NRDE2: variants seen among roughly 807,000 people sequenced by gnomAD.
The protein encoded by NRDE2 is nuclear exosome regulator NRDE2.
In NRDE2, 76 loss-of-function variants were observed where a neutral mutation model predicts 124.2. The ratio of observed to expected loss-of-function variants is 0.61; its 90% CI spans 0.51 to 0.74. The LOEUF is 0.74. Ranked by LOEUF, NRDE2 falls within the 30% of genes least tolerant of loss-of-function variation. The pLI, the probability that NRDE2 is intolerant of heterozygous loss-of-function variation, is 0.00. For synonymous variants in NRDE2, 489 were observed against 528.1 expected (o/e 0.93, Z 1.01); for missense variants, 1,314 against 1,417.3 (o/e 0.93, Z 1.17).
intron 3 of NRDE2, among the ~76,000 whole-genome samples, chr14:90,313,372 C>T (rs1334712007): frequency 3.9e-5 from 6 of 152,000 alleles, no homozygotes; most frequent in Admixed American, 1.3e-4. Flanking sequence ...ATGATCCACC[C>T]GCCTCGGCCT....
chr14:90,329,008 A>G (rs191084783), intron 1 of NRDE2, among the ~76,000 whole-genome samples: 38 of 152,372 alleles, frequency 2.5e-4, no homozygotes, highest in African/African-American at 8.4e-4. Context: ...TGACCAGAAA[A>G]GAATTAAGGC....
At position 90,274,838 on chromosome 14, in the gene NRDE2, A is replaced by ACCCCCCCC. The variant is rs1206866308; in HGVS notation, c.*3497_*3498insGGGGGGGG. On this transcript the variant is annotated 3_prime_UTR_variant, in exon 14 of 14. Transcript: ENST00000354366. ...CACACACACACACACACACACACAC[A>ACCCCCCCC]CCCCAATACATATGAATTGATCTGA... 8.9e-5 allele frequency: 6 copies of ACCCCCCCC among 67,180 alleles called. No individual in the cohort carries two copies. Among genetic ancestry groups the ACCCCCCCC allele is most frequent in the Non-Finnish European group, 1.9e-4 (6 of 31,314 alleles). 4.2% of individuals were successfully genotyped at this position (67,180 alleles called of 1,614,324 possible). A position where few individuals can be genotyped will look rare whatever the true frequency, so the allele number is the denominator to read the frequency against.
intron 9 of NRDE2, among the ~76,000 whole-genome samples, chr14:90,291,448 C>T (rs1443495052): frequency 5.3e-5 from 8 of 152,344 alleles, no homozygotes; most frequent in Admixed American, 4.6e-4. Flanking sequence ...GGCAAGAAAT[C>T]GCTTGCAGCA....
chr14:90,302,947 C>T lies in NRDE2; in HGVS notation c.1184G>A (p.Trp395Ter). ...LAKLKLCTEF[W>*]EPSTLVKEWQ... ...CTCTTTGACCAGAGTGGAGGGCTCC[C>T]AGAACTCTGTGCAGAGCTTCAGCTT... is the stretch of plus-strand genomic sequence containing the variant. The change falls in exon 6 of 14, where the codon TGG (tryptophan) becomes TAG (stop). Residue 395 changes from tryptophan to a stop codon, truncating the protein, a stop_gained. Coordinates refer to ENST00000354366, the MANE Select transcript of NRDE2 (RefSeq NM_017970.4). LOFTEE classifies it high-confidence loss of function. The T allele has an allele frequency of 6.2e-7, 1 of 1,614,048 alleles. No individual in the cohort carries two copies. The highest frequency in any genetic ancestry group is 8.5e-7 in the Non-Finnish European group (1 of 1,180,032).
intron 1 of NRDE2, among the ~76,000 whole-genome samples, chr14:90,320,356 G>A (rs1188637740): frequency 6.6e-6 from 1 of 152,156 alleles, no homozygotes; most frequent in Non-Finnish European, 1.5e-5. Flanking sequence ...AGAGCAAAGG[G>A]GGAAGAGCCC....
In NRDE2 at chr14:90,279,107, G is replaced by A. The variant is rs762393717; in HGVS notation, c.3324C>T (p.Ser1108=). Reference sequence around the variant, plus strand: ...GAAGTGCTTTGTAGAATACACCTTTGCTTCTTTCTTTATTTCCTAAGGAAA... The same window carrying A: ...GAAGTGCTTTGTAGAATACACCTTTACTTCTTTCTTTATTTCCTAAGGAAA... ...FLVSLGNKER[S]KGVFYKALQN... Residue 1108 remains serine, a synonymous_variant, in exon 13 of 14, where the codon AGC becomes AGT. Coordinates refer to ENST00000354366, the MANE Select transcript of NRDE2 (RefSeq NM_017970.4). 12 of 1,612,396 alleles carry A rather than the reference G, an allele frequency of 7.4e-6. No homozygotes were observed. The East Asian group carries it at 1.8e-4, about 24-fold the overall frequency.
rs768599422 is a variant in NRDE2, at chr14:90,269,353, C to T, written c.*8983G>A. On this transcript the variant is annotated 3_prime_UTR_variant, in exon 14 of 14. Coordinates refer to ENST00000354366, the MANE Select transcript of NRDE2 (RefSeq NM_017970.4). Reference sequence around the variant, plus strand: ...TTTGCTGTAATTCCCCTTGAGCAGGCGATCAGTTGAGTCTTCATTCCTTCC... The same window carrying T: ...TTTGCTGTAATTCCCCTTGAGCAGGTGATCAGTTGAGTCTTCATTCCTTCC... 11 of 1,530,542 alleles carry T rather than the reference C, an allele frequency of 7.2e-6. No individual in the cohort carries two copies. Among genetic ancestry groups the T allele is most frequent in the East Asian group, 2.3e-5 (1 of 43,916 alleles). The allele number at this position is 1,530,542 out of a possible 1,614,324, so 94.8% of individuals were successfully genotyped here.
chr14:90,297,046 C>T (rs1884193721), intron 8 of NRDE2, among the ~76,000 whole-genome samples: 1 of 148,656 alleles, frequency 6.7e-6, no homozygotes, highest in Non-Finnish European at 1.5e-5. Flanking sequence ...GGCTGAGGCA[C>T]AAGAATCCCT....
chr14:90,307,085 A>G (rs1011178390), intron 4 of NRDE2, among the ~76,000 whole-genome samples: 1 of 152,232 alleles, frequency 6.6e-6, no homozygotes, highest in African/African-American at 2.4e-5. Flanking sequence ...GGCCTATATT[A>G]CTATCTACTT....
intron 11 of NRDE2, among the ~76,000 whole-genome samples, chr14:90,287,830 C>T (rs1892149059): frequency 6.6e-6 from 1 of 152,088 alleles, no homozygotes; most frequent in South Asian, 2.1e-4. Context: ...GTGGCCTGCT[C>T]GAGTTCACCC....
chr14:90,324,191 G>A (rs961335581), intron 1 of NRDE2, among the ~76,000 whole-genome samples: 4 of 152,080 alleles, frequency 2.6e-5, no homozygotes, highest in African/African-American at 9.7e-5. Context: ...TAGGAGAAGC[G>A]ATTGTGGCTT....
chr14:90,304,987 G>A (rs143508883), intron 4 of NRDE2, among the ~76,000 whole-genome samples: 148 of 152,238 alleles, frequency 9.7e-4, no homozygotes, highest in Middle Eastern at 3.4e-3. Context: ...ACATGTAGGC[G>A]TCCCCAGAGT....
chr14:90,325,107 G>A (rs1204826415), intron 1 of NRDE2, among the ~76,000 whole-genome samples: 1 of 152,130 alleles, frequency 6.6e-6, no homozygotes, highest in Non-Finnish European at 1.5e-5. Flanking sequence ...GAAGTGGGGA[G>A]TCAAGGTACG....
intron 8 of NRDE2, among the ~76,000 whole-genome samples, chr14:90,296,527 T>C (rs73318626): frequency 0.019 from 2,867 of 152,222 alleles, 88 homozygotes; most frequent in African/African-American, 0.065. Context: ...TTAGTGGTAA[T>C]AGAGATGCTC....
At chr14:90,310,034 T>G (rs1884768811) in intron 4 of NRDE2, among the ~76,000 whole-genome samples, 1 of 152,198 alleles carries the variant, frequency 6.6e-6, no homozygotes, top group South Asian at 2.1e-4. Context: ...ACCCTTTATA[T>G]TTGCACACCA....
Position 90,279,062 on chromosome 14 carries a change from C to G in NRDE2, c.3369G>C (p.Lys1123Asn). 6.2e-7 allele frequency: 1 copy of G among 1,607,522 alleles called. No individual in the cohort carries two copies. Among genetic ancestry groups the G allele is most frequent in the South Asian group, 1.1e-5 (1 of 90,944 alleles). Reference protein sequence around the residue: ...YKALQNCPWAKVLYLDAVEYF... With the variant: ...YKALQNCPWANVLYLDAVEYF... ...AGACACCATGGCCTTTAACACTTACCTTTGCCCAAGGGCAATTCTGAAGTG... is the reference window on the plus strand; with the variant it reads ...AGACACCATGGCCTTTAACACTTACGTTTGCCCAAGGGCAATTCTGAAGTG... Residue 1123 changes from lysine to asparagine, a missense_variant and splice_region_variant, in exon 13 of 14, where the codon AAG (lysine) becomes AAC (asparagine). Physicochemically the swap from Lys to Asn is moderately conservative, Grantham distance 94. Coordinates refer to ENST00000354366, the MANE Select transcript of NRDE2 (RefSeq NM_017970.4).
At chr14:90,327,970 C>T (rs1201137703) in intron 1 of NRDE2, among the ~76,000 whole-genome samples, 1 of 152,088 alleles carries the variant, frequency 6.6e-6, no homozygotes, top group Non-Finnish European at 1.5e-5. Flanking sequence ...GGTGAAACCC[C>T]CTATCTACTA....
At chr14:90,291,161 T>C (rs998127693) in intron 9 of NRDE2, among the ~76,000 whole-genome samples, 1 of 152,116 alleles carries the variant, frequency 6.6e-6, no homozygotes, top group Non-Finnish European at 1.5e-5. Flanking sequence ...TTAAAAGCAA[T>C]TATAAGAGCC....
At chr14:90,327,893 C>G (rs568151255) in intron 1 of NRDE2, among the ~76,000 whole-genome samples, 1 of 152,176 alleles carries the variant, frequency 6.6e-6, no homozygotes, top group Non-Finnish European at 1.5e-5. Flanking sequence ...CCTGTAATCC[C>G]AGCACTTTGG....
Sources: allele counts gnomAD v4.1 joint callset (sites outside exome capture counted in the v4.1 genomes callset), GRCh38; gene constraint gnomAD v4.1.1; transcripts MANE v1.5; gene names NCBI Gene and HGNC (gene_info 2026-07-23, HGNC 2026-07-21).